The following DCDC2C variants were observed in gnomAD, a reference collection of about 807,000 sequenced individuals.
The protein encoded by DCDC2C is doublecortin domain-containing protein 2C.
In DCDC2C, 44 loss-of-function variants were observed where a neutral mutation model predicts 45.0. That is an observed-to-expected ratio of 0.98 (90% CI 0.77 to 1.26). DCDC2C has a LOEUF of 1.26. Ranked by LOEUF, DCDC2C falls within the 50% of genes most tolerant of loss-of-function variation. The probability of loss-of-function intolerance (pLI) is 0.00; values close to 1 mark genes in which losing one functional copy is unlikely to be tolerated. For missense variants in DCDC2C, 447 were observed against 468.9 expected, an observed-to-expected ratio of 0.95 and a Z score of 0.43; for synonymous variants, 187 against 178.8, an observed-to-expected ratio of 1.05 and a Z score of -0.37.
chr2:3,711,932 C>T (rs771578876), intron 2 of DCDC2C, among the ~76,000 whole-genome samples: 4 of 152,214 alleles, frequency 2.6e-5, no homozygotes, highest in African/African-American at 7.2e-5. Flanking sequence ...ATCATGTCAG[C>T]GTGCGTGGCC....
intron 2 of DCDC2C, among the ~76,000 whole-genome samples, chr2:3,724,309 C>T (rs1668577825): frequency 6.6e-6 from 1 of 152,182 alleles, no homozygotes; most frequent in Non-Finnish European, 1.5e-5. Flanking sequence ...TCGTGCAGCT[C>T]TCTATTCTGA....
chr2:3,743,813 A>G (rs1290130869), intron 4 of DCDC2C, among the ~76,000 whole-genome samples: 1 of 152,234 alleles, frequency 6.6e-6, no homozygotes. Context: ...CACGCCTGTA[A>G]TCCCAGCACT....
At chr2:3,707,294 TTTTA>T (rs1668089403) in intron 1 of DCDC2C, among the ~76,000 whole-genome samples, 1 of 152,252 alleles carries the variant, frequency 6.6e-6, no homozygotes. Flanking sequence ...CTGTGTTAAA[TTTTA>T]TTTTTTGGTT....
chr2:3,704,878 C>G (rs1023408484), intron 1 of DCDC2C, among the ~76,000 whole-genome samples: 6 of 152,106 alleles, frequency 3.9e-5, no homozygotes, highest in Non-Finnish European at 8.8e-5. Context: ...TGCCCTCCCA[C>G]GGTTTGTGTC....
intron 4 of DCDC2C, among the ~76,000 whole-genome samples, chr2:3,747,856 C>T (rs1243362929): frequency 6.6e-6 from 1 of 152,168 alleles, no homozygotes; most frequent in East Asian, 1.9e-4. Context: ...TGATAAATGC[C>T]ATGCCAGGGG....
chr2:3,780,657 A>G (rs940110033), intron 9 of DCDC2C, among the ~76,000 whole-genome samples: 12 of 152,188 alleles, frequency 7.9e-5, no homozygotes, highest in African/African-American at 2.9e-4. Flanking sequence ...CTGGGGAGCA[A>G]ACGAAGGCAT....
chr2:3,762,707 C>CTGG (rs1669913430), intron 6 of DCDC2C, among the ~76,000 whole-genome samples: 1 of 152,166 alleles, frequency 6.6e-6, no homozygotes, highest in Non-Finnish European at 1.5e-5. Context: ...CCCCTCCCAC[C>CTGG]AGGCCCCACC....
chr2:3,733,598 A>G (rs1668936319), intron 3 of DCDC2C, among the ~76,000 whole-genome samples: 1 of 152,172 alleles, frequency 6.6e-6, no homozygotes, highest in South Asian at 2.1e-4. Flanking sequence ...AGGTGCTAGC[A>G]GGTTTGGTGT....
At chr2:3,755,760 TG>T (rs1669693939) in intron 6 of DCDC2C, among the ~76,000 whole-genome samples, 1 of 151,506 alleles carries the variant, frequency 6.6e-6, no homozygotes, top group Admixed American at 6.6e-5. Context: ...GCATATGTGT[TG>T]GTGTATAAAT....
rs1672366729 is a variant in DCDC2C at position 3,847,703 on chromosome 2, C to A, written c.*520C>A. 6.6e-6 allele frequency among the ~76,000 whole-genome samples: 1 copy of A among 152,196 alleles called. No homozygotes were observed. The highest frequency in any genetic ancestry group is 2.1e-4 in the South Asian group (1 of 4,828). On this transcript the variant is annotated 3_prime_UTR_variant, in exon 11 of 11. Coordinates refer to ENST00000399143, the MANE Select transcript of DCDC2C (RefSeq NM_001287444.2). ...TTTGGCTGTATGTCCTCACTCAAAT[C>A]TCATGTCGAATTGTAATCCCCATGT...
chr2:3,782,129 G>A (rs1024742697), intron 9 of DCDC2C, among the ~76,000 whole-genome samples: 7 of 151,952 alleles, frequency 4.6e-5, no homozygotes, highest in South Asian at 4.2e-4. Context: ...CTAACTCCCC[G>A]TTCCTTGCTT....
intron 4 of DCDC2C, among the ~76,000 whole-genome samples, chr2:3,745,710 G>T (rs1669341358): frequency 6.6e-6 from 1 of 152,008 alleles, no homozygotes; most frequent in African/African-American, 2.4e-5. Context: ...TCCTTGTGTG[G>T]GTTAGAAACG....
At chr2:3,760,499 T>TA (rs201090211) in intron 6 of DCDC2C, among the ~76,000 whole-genome samples, 1 of 152,082 alleles carries the variant, frequency 6.6e-6, no homozygotes, top group Non-Finnish European at 1.5e-5. Flanking sequence ...TGTGCAGCCA[T>TA]AAAAAAGAAT....
intron 4 of DCDC2C, among the ~76,000 whole-genome samples, chr2:3,742,452 G>A (rs1669245399): frequency 6.6e-6 from 1 of 152,100 alleles, no homozygotes; most frequent in African/African-American, 2.4e-5. Context: ...AGAGATGGGG[G>A]AAATGAATGC....
intron 6 of DCDC2C, among the ~76,000 whole-genome samples, chr2:3,758,850 A>G (rs1669800319): frequency 6.6e-6 from 1 of 152,188 alleles, no homozygotes; most frequent in South Asian, 2.1e-4. Context: ...GTTCACTTCC[A>G]TGTGGCCTCT....
At chr2:3,727,904 A>C (rs1036438088) in intron 3 of DCDC2C, among the ~76,000 whole-genome samples, 4 of 152,218 alleles carry the variant, frequency 2.6e-5, no homozygotes, top group African/African-American at 9.6e-5. Flanking sequence ...AGGGCTTGTC[A>C]CAGCGTAGCA....
rs188562908 is a variant in DCDC2C, at chr2:3,803,585, G to T, written c.1065+18485G>T. Among the ~76,000 whole-genome samples, 6 of 152,356 alleles carry T rather than the reference G, an allele frequency of 3.9e-5. No individual in the cohort carries two copies. In the East Asian group the frequency reaches 1.2e-3, roughly 29 times the overall value. On this transcript the variant is annotated intron_variant, in intron 10 of 10. Coordinates refer to ENST00000399143, the MANE Select transcript of DCDC2C (RefSeq NM_001287444.2). ...TTCTGCAGCATGCAGTCTGAACTTA[G>T]GTCTTTATGTGCCTCTGCATTTCCA...
chr2:3,794,487 G>A (rs1387889251), intron 10 of DCDC2C, among the ~76,000 whole-genome samples: 1 of 152,206 alleles, frequency 6.6e-6, no homozygotes, highest in Non-Finnish European at 1.5e-5. Context: ...CTAGCATTAG[G>A]TATATCTCCC....
intron 3 of DCDC2C, among the ~76,000 whole-genome samples, chr2:3,728,448 G>A (rs972317309): frequency 2.0e-5 from 3 of 152,182 alleles, no homozygotes; most frequent in Non-Finnish European, 4.4e-5. Context: ...AGGGAACGTC[G>A]TTGGTTTGTG....
Sources: allele counts gnomAD v4.1 joint callset (sites outside exome capture counted in the v4.1 genomes callset), GRCh38; gene constraint gnomAD v4.1.1; transcripts MANE v1.5; gene names NCBI Gene and HGNC (gene_info 2026-07-23, HGNC 2026-07-21).